The following AIM2 variants were observed in gnomAD, a reference collection of about 807,000 sequenced individuals.
The protein encoded by AIM2 is absent in melanoma 2.
AIM2 carries 30 observed loss-of-function variants against 27.7 expected under a neutral mutation model. The observed-to-expected ratio is 1.08, with a 90% CI of 0.81 to 1.47. The LOEUF (loss-of-function observed/expected upper bound fraction) is 1.47, where lower values mean the gene tolerates loss of function less well. AIM2 is among the 40% of genes most tolerant of loss of function. AIM2 has a pLI of 0.00. For missense variants in AIM2, 358 were observed against 411.3 expected, an observed-to-expected ratio of 0.87 and a Z score of 1.12; for synonymous variants, 141 against 145.3, an observed-to-expected ratio of 0.97 and a Z score of 0.21.
chr1:159,096,645 G>A (rs948270174), intron 1 of AIM2, among the ~76,000 whole-genome samples: 2 of 151,962 alleles, frequency 1.3e-5, no homozygotes, highest in East Asian at 3.9e-4. Flanking sequence ...TCTTTCCTGA[G>A]GTATGATCAT....
chr1:159,097,807 T>C (rs1162583881), intron 1 of AIM2, among the ~76,000 whole-genome samples: 1 of 152,192 alleles, frequency 6.6e-6, no homozygotes, highest in African/African-American at 2.4e-5. Context: ...TAATTCACAT[T>C]ACCAAATCGG....
At chr1:159,098,752 G>A (rs944384168) in intron 1 of AIM2, among the ~76,000 whole-genome samples, 3 of 152,182 alleles carry the variant, frequency 2.0e-5, no homozygotes, top group African/African-American at 4.8e-5. Context: ...AACATCTTCT[G>A]AGCATGTGCC....
upstream of AIM2, among the ~76,000 whole-genome samples, chr1:159,142,869 C>T (rs547202983): frequency 1.3e-5 from 2 of 152,094 alleles, no homozygotes; most frequent in Non-Finnish European, 2.9e-5. Flanking sequence ...TAATTGGATT[C>T]TATGCTCCCG....
At chr1:159,097,760 A>T (rs1289622705) in intron 1 of AIM2, among the ~76,000 whole-genome samples, 1 of 152,220 alleles carries the variant, frequency 6.6e-6, no homozygotes, top group Non-Finnish European at 1.5e-5. Context: ...TGAAACACTT[A>T]GACGAATGCT....
At chr1:159,094,611 T>C (rs954861551) in intron 1 of AIM2, among the ~76,000 whole-genome samples, 3 of 152,164 alleles carry the variant, frequency 2.0e-5, no homozygotes, top group Non-Finnish European at 4.4e-5. Context: ...AGCTGGAGAA[T>C]CGCTTGAAAC....
At chr1:159,074,297 G>C (rs1053611475) in intron 1 of AIM2, among the ~76,000 whole-genome samples, 1 of 152,074 alleles carries the variant, frequency 6.6e-6, no homozygotes, top group Non-Finnish European at 1.5e-5. Context: ...CTTCCTGTAA[G>C]AATTTTACGG....
rs1377718657 is a variant in AIM2, at chr1:159,062,768, C to T, written c.1006-50G>A. 10 of 1,567,234 alleles carry T rather than the reference C, an allele frequency of 6.4e-6. No individual in the cohort carries two copies. In the South Asian group the frequency reaches 1.1e-4, roughly 18 times the overall value. Reference sequence around the variant, plus strand: ...GTCTGAGATGCAGTCGATGAGTGGCCCCTCCACTGTTTGCAGTCACTATGG... The same window carrying T: ...GTCTGAGATGCAGTCGATGAGTGGCTCCTCCACTGTTTGCAGTCACTATGG... On this transcript the variant is annotated intron_variant, in intron 5 of 5. Coordinates refer to ENST00000368130, the MANE Select transcript of AIM2 (RefSeq NM_004833.3).
chr1:159,068,803 A>T, intron 2 of AIM2, 102 bp from the exon 3 acceptor site: 1 of 1,211,226 alleles, frequency 8.3e-7, no homozygotes, highest in East Asian at 2.7e-5. Context: ...ATATTAAGAT[A>T]TCTTCAAGAA....
At chr1:159,130,053 C>T (rs375358207) in intron 1 of AIM2, among the ~76,000 whole-genome samples, 1 of 152,196 alleles carries the variant, frequency 6.6e-6, no homozygotes, top group Admixed American at 6.5e-5. Flanking sequence ...CTAAAGGAAA[C>T]GTCGGCCCTT....
Position 159,062,526 on chromosome 1 carries a change from C to T in AIM2, c.*166G>A. On this transcript the variant is annotated 3_prime_UTR_variant, in exon 6 of 6. Coordinates refer to ENST00000368130, the MANE Select transcript of AIM2 (RefSeq NM_004833.3). ...TTTATTGTGATCATCTGTTGATATT[C>T]TGAATTTGTTTATCCAGCAATTATT... 3.2e-6 allele frequency: 2 copies of T among 630,310 alleles called. No homozygotes were observed. Among genetic ancestry groups the T allele is most frequent in the Non-Finnish European group, 5.6e-6 (2 of 355,790 alleles). The allele number at this position is 630,310 out of a possible 1,614,324, so 39.0% of individuals were successfully genotyped here. A position where few individuals can be genotyped will look rare whatever the true frequency, so the allele number is the denominator to read the frequency against.
chr1:159,103,381 C>CTTTTT (rs11464359), intron 1 of AIM2, among the ~76,000 whole-genome samples: 1 of 149,602 alleles, frequency 6.7e-6, no homozygotes, highest in Non-Finnish European at 1.5e-5. Flanking sequence ...ACAATTCCCA[C>CTTTTT]TTTTTTTTTT....
At chr1:159,146,850 CCTT>C (rs768805759) in intron 1 of AIM2, among the ~76,000 whole-genome samples, 43 of 152,214 alleles carry the variant, frequency 2.8e-4, no homozygotes, top group Admixed American at 8.5e-4. Context: ...CATCCTCAGG[CCTT>C]CTTTTTCTTT....
At chr1:159,127,575 A>C (rs544561359) in intron 1 of AIM2, among the ~76,000 whole-genome samples, 1 of 152,364 alleles carries the variant, frequency 6.6e-6, no homozygotes, top group East Asian at 1.9e-4. Context: ...GGTGAAGCTG[A>C]TCAGAAATGT....
chr1:159,073,290 C>T lies in AIM2; in HGVS notation c.210G>A (p.Gln70=), dbSNP rs1656450463. The part of the protein sequence containing the change: ...SAVMKTIRIF[Q]KLNYMLLAKR... ...TTGCCAAAAGCATATAATTCAACTT[C>T]TGAAAAATACGAATGGTCTTCATCA... Residue 70 remains glutamine, a synonymous_variant, in exon 2 of 6, where the codon CAG becomes CAA. Transcript: ENST00000368130. 6.2e-7 allele frequency: 1 copy of T among 1,614,192 alleles called. No homozygotes were observed. The highest frequency in any genetic ancestry group is 2.2e-5 in the East Asian group (1 of 44,888).
At chr1:159,105,468 G>C (rs770764557) in intron 1 of AIM2, among the ~76,000 whole-genome samples, 1 of 152,150 alleles carries the variant, frequency 6.6e-6, no homozygotes, top group Non-Finnish European at 1.5e-5. Context: ...ACCATTCAGC[G>C]GTCCTGAATT....
intron 1 of AIM2, among the ~76,000 whole-genome samples, chr1:159,102,371 T>A (rs1416012327): frequency 6.6e-6 from 1 of 152,216 alleles, no homozygotes; most frequent in Non-Finnish European, 1.5e-5. Flanking sequence ...ATGGAGAACC[T>A]CTGCTAGGGC....
chr1:159,115,106 C>G (rs2102033170), intron 1 of AIM2, among the ~76,000 whole-genome samples: 1 of 152,196 alleles, frequency 6.6e-6, no homozygotes, highest in East Asian at 1.9e-4. Flanking sequence ...GAATAAAATA[C>G]CTAGGAATCC....
At chr1:159,086,012 T>C (rs895673232) in intron 1 of AIM2, among the ~76,000 whole-genome samples, 3 of 152,242 alleles carry the variant, frequency 2.0e-5, no homozygotes, top group Non-Finnish European at 2.9e-5. Context: ...ACTGTAAATA[T>C]ACAATTTTTA....
chr1:159,123,486 T>C (rs987199286), intron 1 of AIM2: 2 of 151,826 alleles, frequency 1.3e-5, no homozygotes, highest in African/African-American at 4.9e-5. Flanking sequence ...CTTCGTCGTA[T>C]ATTTGAGATT....
Sources: allele counts gnomAD v4.1 joint callset (sites outside exome capture counted in the v4.1 genomes callset), GRCh38; gene constraint gnomAD v4.1.1; transcripts MANE v1.5; gene names NCBI Gene and HGNC (gene_info 2026-07-23, HGNC 2026-07-21).